The following TULP4 variants were observed in gnomAD, a reference collection of about 807,000 sequenced individuals.
TULP4 encodes TUB like protein 4.
TULP4 carries 16 observed loss-of-function variants against 129.0 expected under a neutral mutation model. The observed-to-expected ratio is 0.12, with a 90% CI of 0.08 to 0.19. The LOEUF (loss-of-function observed/expected upper bound fraction) is 0.19. Ranked by LOEUF, TULP4 falls within the 10% of genes least tolerant of loss-of-function variation. TULP4 has a pLI of 1.00. For synonymous variants in TULP4, 998 were observed against 854.0 expected (o/e 1.17, Z -2.94); for missense variants, 1,842 against 2,059.1 (o/e 0.89, Z 2.04).
At chr6:158,378,485 T>TTGGG (rs1554285635) in intron 1 of TULP4, among the ~76,000 whole-genome samples, 1 of 51,288 alleles carries the variant, frequency 1.9e-5, no homozygotes, top group African/African-American at 7.7e-5. Flanking sequence ...TTTTTTTTTT[T>TTGGG]GGTGGGGGTG....
At chr6:158,457,256 GT>G (rs1479965004) in intron 5 of TULP4, among the ~76,000 whole-genome samples, 1 of 152,186 alleles carries the variant, frequency 6.6e-6, no homozygotes, top group African/African-American at 2.4e-5. Flanking sequence ...TCGCACTATT[GT>G]TTTAGTGTAT....
At position 158,425,707 on chromosome 6, in the gene TULP4, G is replaced by A. The variant is rs114658731; in HGVS notation, c.382-4029G>A. Among the ~76,000 whole-genome samples, 374 of 151,806 alleles carry A rather than the reference G, an allele frequency of 2.5e-3. 1 individual carries two copies. Among genetic ancestry groups the A allele is most frequent in the African/African-American group, 8.6e-3 (358 of 41,436 alleles). ...CAACCTCCACCTCCCAGGTTCAAGCGATTCTCCTATTTTAGCCTTCTGAGT... is the reference window on the plus strand; with the variant it reads ...CAACCTCCACCTCCCAGGTTCAAGCAATTCTCCTATTTTAGCCTTCTGAGT... On this transcript the variant is annotated intron_variant, in intron 2 of 13. Transcript: ENST00000367097.
intron 1 of TULP4, among the ~76,000 whole-genome samples, chr6:158,352,225 G>T (rs1398095764): frequency 6.6e-6 from 1 of 152,078 alleles, no homozygotes; most frequent in Non-Finnish European, 1.5e-5. Flanking sequence ...AAAATCATGA[G>T]GACCAGGTTT....
At chr6:158,420,630 C>T (rs1033455023) in intron 2 of TULP4, among the ~76,000 whole-genome samples, 2 of 148,944 alleles carry the variant, frequency 1.3e-5, no homozygotes, top group African/African-American at 2.5e-5. Flanking sequence ...TACAGGCACC[C>T]GCCACTACAC....
chr6:158,400,868 A>G (rs755971955), intron 1 of TULP4, among the ~76,000 whole-genome samples: 2 of 152,104 alleles, frequency 1.3e-5, no homozygotes, highest in African/African-American at 4.8e-5. Context: ...ACCAAACATT[A>G]TACAGTACAA....
chr6:158,448,726 G>A (rs905798036), intron 3 of TULP4, among the ~76,000 whole-genome samples: 1 of 152,122 alleles, frequency 6.6e-6, no homozygotes, highest in African/African-American at 2.4e-5. Flanking sequence ...GTATAACAGA[G>A]ATTTTGCTGG....
Position 158,435,926 on chromosome 6 carries a change from C to CTT in TULP4, c.543+6041_543+6042dup, listed in dbSNP as rs11303299. ...ATCCTTTATCCCCTAAACTGGGACT[C>CTT]TTTTTTTTTTTTTATTTTGAGGTGG... On this transcript the variant is annotated intron_variant, in intron 3 of 13. Coordinates refer to ENST00000367097, the MANE Select transcript of TULP4 (RefSeq NM_020245.5). Among the ~76,000 whole-genome samples, 908 of 147,024 alleles carry CTT rather than the reference C, an allele frequency of 6.2e-3. 14 individuals carry two copies. The highest frequency in any genetic ancestry group is 0.021 in the African/African-American group (839 of 39,994).
At chr6:158,368,395 A>G (rs534016416) in intron 1 of TULP4, among the ~76,000 whole-genome samples, 235 of 152,248 alleles carry the variant, frequency 1.5e-3, no homozygotes, top group African/African-American at 5.3e-3. Flanking sequence ...CTCCACCTCC[A>G]AGGTTCCAGC....
At chr6:158,472,786 A>G (rs1016051612) in intron 6 of TULP4, among the ~76,000 whole-genome samples, 3 of 152,182 alleles carry the variant, frequency 2.0e-5, no homozygotes, top group Non-Finnish European at 4.4e-5. Context: ...GATTCTCCTG[A>G]TTTACTTGTA....
At chr6:158,449,227 G>A (rs878858939) in intron 4 of TULP4, 51 bp downstream of exon 4, 2 of 1,564,060 alleles carry the variant, frequency 1.3e-6, no homozygotes, top group Middle Eastern at 1.7e-4. Flanking sequence ...ACAAGGAAGG[G>A]CATCGGAGCA....
chr6:158,260,846 G>GT (rs1778339619), intron 1 of TULP4, among the ~76,000 whole-genome samples: 1 of 144,194 alleles, frequency 6.9e-6, no homozygotes, highest in Non-Finnish European at 1.5e-5. Context: ...TGAGACAAGA[G>GT]TTTCGCTCTT....
At chr6:158,239,444 G>T (rs1777806668) in intron 1 of TULP4, among the ~76,000 whole-genome samples, 1 of 69,552 alleles carries the variant, frequency 1.4e-5, no homozygotes, top group Admixed American at 1.4e-4. Flanking sequence ...GGACGGGGCG[G>T]CTGGCCGGGT....
At position 158,332,097 on chromosome 6, in the gene TULP4, G is replaced by A. The variant is rs540339675; in HGVS notation, c.252+17829G>A. Among the ~76,000 whole-genome samples the A allele has an allele frequency of 1.9e-4, 28 of 146,554 alleles. No individual in the cohort carries two copies. The East Asian group carries it at 3.8e-3, about 20-fold the overall frequency. On this transcript the variant is annotated intron_variant, in intron 1 of 13. Transcript: ENST00000367097. ...TGAGACAGGAGAATCATTTGAACCCGGGAGGCGGAGGTTGCAGTTAGCCGA... is the reference window on the plus strand; with the variant it reads ...TGAGACAGGAGAATCATTTGAACCCAGGAGGCGGAGGTTGCAGTTAGCCGA...
intron 1 of TULP4, among the ~76,000 whole-genome samples, chr6:158,371,432 A>C (rs1357826234): frequency 6.6e-6 from 1 of 152,192 alleles, no homozygotes; most frequent in Non-Finnish European, 1.5e-5. Flanking sequence ...ATGTGTTAGA[A>C]ATCAAAATCC....
chr6:158,363,483 T>C (rs1212168203), intron 1 of TULP4, among the ~76,000 whole-genome samples: 3 of 152,148 alleles, frequency 2.0e-5, no homozygotes, highest in Non-Finnish European at 4.4e-5. Flanking sequence ...ATTTTTTTTG[T>C]TTTTGTTTGT....
rs557658779 is a variant in TULP4, at chr6:158,423,131, G to C, written c.382-6605G>C. Among the ~76,000 whole-genome samples, 6 of 151,302 alleles carry C rather than the reference G, an allele frequency of 4.0e-5. 1 individual carries two copies. Among genetic ancestry groups the C allele is most frequent in the Non-Finnish European group, 7.4e-5 (5 of 67,724 alleles). On this transcript the variant is annotated intron_variant, in intron 2 of 13. Transcript: ENST00000367097. ...TTCCTCCACAAAAAAGAGGGGGGGG[G>C]GGGGAAAGAAACCTTCCCAGGACCC... is the stretch of plus-strand genomic sequence containing the variant.
chr6:158,326,792 A>G (rs928175594), intron 1 of TULP4, among the ~76,000 whole-genome samples: 6 of 152,150 alleles, frequency 3.9e-5, no homozygotes, highest in Non-Finnish European at 7.3e-5. Flanking sequence ...CTTTAAATAT[A>G]TTATCTAATT....
chr6:158,489,148 G>A (rs1191921879), intron 8 of TULP4, among the ~76,000 whole-genome samples: 2 of 152,200 alleles, frequency 1.3e-5, no homozygotes, highest in Non-Finnish European at 2.9e-5. Context: ...TGTCAGGACT[G>A]TAGTTCAAGC....
intron 1 of TULP4, among the ~76,000 whole-genome samples, chr6:158,324,557 T>C (rs549633781): frequency 6.6e-6 from 1 of 152,338 alleles, no homozygotes; most frequent in Non-Finnish European, 1.5e-5. Flanking sequence ...AAAAAGGCAC[T>C]GTTCCTGCCC....
Sources: allele counts gnomAD v4.1 joint callset (sites outside exome capture counted in the v4.1 genomes callset), GRCh38; gene constraint gnomAD v4.1.1; transcripts MANE v1.5; gene names NCBI Gene and HGNC (gene_info 2026-07-23, HGNC 2026-07-21).